MYOT: variants seen among roughly 807,000 people sequenced by gnomAD.
The protein encoded by MYOT is 57 kDa cytoskeletal protein.
In MYOT, 36 loss-of-function variants were observed where a neutral mutation model predicts 58.0. The observed-to-expected ratio is 0.62, with a 90% confidence interval of 0.48 to 0.82. The LOEUF (loss-of-function observed/expected upper bound fraction) is 0.82, where lower values mean the gene tolerates loss of function less well. Among genes scored for constraint, MYOT ranks in the 40% least tolerant of loss-of-function variants. MYOT has a pLI of 0.00. For missense variants in MYOT, 505 were observed against 592.1 expected, an observed-to-expected ratio of 0.85 and a Z score of 1.53; for synonymous variants, 218 against 204.6, an observed-to-expected ratio of 1.07 and a Z score of -0.56.
At chr5:137,871,902 TC>T (rs1755063585) in intron 2 of MYOT, among the ~76,000 whole-genome samples, 1 of 152,196 alleles carries the variant, frequency 6.6e-6, no homozygotes, top group Non-Finnish European at 1.5e-5. Context: ...TCAAAAATTG[TC>T]TGATGGAATA....
chr5:137,879,771 C>T (rs1452664292), intron 4 of MYOT, among the ~76,000 whole-genome samples: 1 of 149,038 alleles, frequency 6.7e-6, no homozygotes, highest in African/African-American at 2.5e-5. Context: ...CTCCTGACCT[C>T]ATGATCCACC....
chr5:137,881,002 G>A, intron 5 of MYOT, 137 bp downstream of exon 5: 1 of 651,332 alleles, frequency 1.5e-6, no homozygotes, highest in East Asian at 3.0e-5. Flanking sequence ...TAATGTCTGA[G>A]AAGATGACCA....
intron 7 of MYOT, among the ~76,000 whole-genome samples, chr5:137,885,694 C>A (rs1221285091): frequency 6.9e-6 from 1 of 144,704 alleles, no homozygotes; most frequent in African/African-American, 2.6e-5. Flanking sequence ...CTTCCTTGAA[C>A]CTGGGAGGCG....
intron 3 of MYOT, 76 bp downstream of exon 3, chr5:137,876,079 A>C: frequency 3.5e-6 from 5 of 1,443,802 alleles, no homozygotes; most frequent in Non-Finnish European, 4.8e-6. Context: ...GTTCTAGCTC[A>C]CAGATCTAGG....
chr5:137,881,363 G>A (rs1755424105), intron 5 of MYOT, among the ~76,000 whole-genome samples: 1 of 152,150 alleles, frequency 6.6e-6, no homozygotes. Context: ...TAGATTCTGT[G>A]GTTTCAAATT....
At chr5:137,885,729 G>A (rs1032902495) in intron 7 of MYOT, among the ~76,000 whole-genome samples, 41 of 120,532 alleles carry the variant, frequency 3.4e-4, no homozygotes, top group East Asian at 8.5e-4. Flanking sequence ...CCAAGATCAC[G>A]CCACTGCGCT....
chr5:137,882,147 G>A (rs1421075584), intron 6 of MYOT, 42 bp downstream of exon 6: 1 of 1,606,672 alleles, frequency 6.2e-7, no homozygotes, highest in Non-Finnish European at 8.5e-7. Flanking sequence ...AATTAACAAT[G>A]GGATACTAAG....
chr5:137,884,179 T>C (rs1580864940), intron 7 of MYOT, among the ~76,000 whole-genome samples: 1 of 152,068 alleles, frequency 6.6e-6, no homozygotes, highest in East Asian at 1.9e-4. Context: ...AGCAAGATCT[T>C]CTTTGTCTCT....
At position 137,875,835 on chromosome 5, in the gene MYOT, A is replaced by G. The variant is rs757060556; in HGVS notation, c.363A>G (p.Gln121=). ...TTCTTTTTCCTTTTTAAAGCTATCA[A>G]CAGTCCTCAGCTGGCCAACCTATAA... The part of the protein sequence containing the change: ...KIPSAMDSNY[Q]QSSAGQPINA... Residue 121 remains glutamine (Q), a synonymous_variant, in exon 3 of 10, where the codon CAA becomes CAG. Transcript: ENST00000239926. 1.9e-6 allele frequency: 3 copies of G among 1,614,086 alleles called. No homozygotes were observed. The highest frequency in any genetic ancestry group is 1.1e-5 in the South Asian group (1 of 91,078).
chr5:137,886,109 G>C lies in MYOT; in HGVS notation c.1086G>C (p.Glu362Asp), dbSNP rs748622623. 1.9e-6 allele frequency: 3 copies of C among 1,611,232 alleles called. No homozygotes were observed. Among genetic ancestry groups the C allele is most frequent in the Non-Finnish European group, 2.5e-6 (3 of 1,177,746 alleles). Residue 362 changes from glutamate (E) to aspartate (D), a missense_variant, in exon 8 of 10, where the codon GAG becomes GAC. By Grantham distance (45) the Glu-to-Asp change is conservative. Transcript: ENST00000239926. ...IYKPQSKKVL[E>D]GDSVKLECQI... is the part of the protein sequence containing the mutation. ...AACCACAGAGCAAAAAAGTTTTAGA[G>C]GGAGATTCAGTGAAACTAGAATGCC... is the stretch of plus-strand genomic sequence containing the variant.
chr5:137,869,637 A>G (rs932394593), intron 1 of MYOT, among the ~76,000 whole-genome samples: 3 of 152,172 alleles, frequency 2.0e-5, no homozygotes, highest in African/African-American at 7.2e-5. Flanking sequence ...CAATTTCAAA[A>G]TTAGTCTGAG....
intron 4 of MYOT, among the ~76,000 whole-genome samples, chr5:137,879,987 T>A (rs1755372934): frequency 6.6e-6 from 1 of 152,186 alleles, no homozygotes; most frequent in South Asian, 2.1e-4. Flanking sequence ...GCCTTAAAAA[T>A]GACAAAATAC....
At position 137,885,079 on chromosome 5, in the gene MYOT, G is replaced by C. The variant is rs538696484; in HGVS notation, c.1025-969G>C. On this transcript the variant is annotated intron_variant, in intron 7 of 9. Transcript: ENST00000239926. ...GCTTCAGAAATACTACAATAGTAGA[G>C]CTGAAAGAGATCTTGGCTGCCATCC... is the stretch of plus-strand genomic sequence containing the variant. Among the ~76,000 whole-genome samples the C allele has an allele frequency of 8.5e-5, 13 of 152,322 alleles. No homozygotes were observed. The East Asian group carries it at 2.3e-3, about 27-fold the overall frequency.
chr5:137,880,986 A>AT, intron 5 of MYOT, 121 bp downstream of exon 5: 4 of 738,292 alleles, frequency 5.4e-6, no homozygotes, highest in Non-Finnish European at 8.9e-6. Flanking sequence ...TACAATGTGT[A>AT]TTTTCTAATG....
intron 2 of MYOT, among the ~76,000 whole-genome samples, chr5:137,872,481 T>A (rs1755080829): frequency 6.6e-6 from 1 of 152,128 alleles, no homozygotes; most frequent in Non-Finnish European, 1.5e-5. Flanking sequence ...GGCAAAAACA[T>A]AATAAGAAAT....
chr5:137,879,585 C>T (rs977499994), intron 4 of MYOT, among the ~76,000 whole-genome samples: 9 of 130,042 alleles, frequency 6.9e-5, no homozygotes, highest in Non-Finnish European at 1.1e-4. Flanking sequence ...AGTACAATGG[C>T]GCGATCTCGG....
In MYOT at chr5:137,882,128, C is replaced by A. The variant is rs1281650121; in HGVS notation, c.816+23C>A. ...AAAGTAAGAGAAGGGTTCAAAAGTACTGGGGGAAAATTAACAATGGGATAC... is the reference window on the plus strand; with the variant it reads ...AAAGTAAGAGAAGGGTTCAAAAGTAATGGGGGAAAATTAACAATGGGATAC... On this transcript the variant is annotated intron_variant, in intron 6 of 9. Transcript: ENST00000239926. The A allele has an allele frequency of 2.5e-6, 4 of 1,613,360 alleles. No homozygotes were observed. The African/African-American group carries it at 5.3e-5, about 22-fold the overall frequency.
At chr5:137,871,958 T>G (rs935999605) in intron 2 of MYOT, among the ~76,000 whole-genome samples, 9 of 152,236 alleles carry the variant, frequency 5.9e-5, no homozygotes, top group African/African-American at 1.9e-4. Context: ...ACTCTGCTAA[T>G]TTCTCGCAGT....
chr5:137,874,604 C>A (rs1047612413), intron 2 of MYOT, among the ~76,000 whole-genome samples: 7 of 152,118 alleles, frequency 4.6e-5, no homozygotes, highest in African/African-American at 1.7e-4. Context: ...TCTCTAAATA[C>A]CACCCTATCC....
Sources: allele counts gnomAD v4.1 joint callset (sites outside exome capture counted in the v4.1 genomes callset), GRCh38; gene constraint gnomAD v4.1.1; transcripts MANE v1.5; gene names NCBI Gene and HGNC (gene_info 2026-07-23, HGNC 2026-07-21).